Variants in NEB observed in about 807,000 individuals in gnomAD.
NEB encodes the protein nemaline myopathy type 2.
A neutral mutation model predicts 952.2 loss-of-function variants in NEB; 512 were observed. The ratio of observed to expected loss-of-function variants is 0.54; its 90% CI spans 0.50 to 0.58. The LOEUF (loss-of-function observed/expected upper bound fraction) is 0.58, where lower values mean the gene tolerates loss of function less well. Ranked by LOEUF, NEB falls within the 20% of genes least tolerant of loss-of-function variation. The probability of loss-of-function intolerance (pLI) is 0.00; values close to 1 mark genes in which losing one functional copy is unlikely to be tolerated. For synonymous variants in NEB, 2,900 were observed against 3,149.8 expected (o/e 0.92, Z 2.66); for missense variants, 8,428 against 9,231.1 (o/e 0.91, Z 3.56).
At chr2:151,663,969 A>C in intron 44 of NEB, 110 bp from the exon 45 acceptor site, 1 of 1,138,504 alleles carries the variant, frequency 8.8e-7, no homozygotes. Flanking sequence ...AGCTACTCTA[A>C]AATTGGAAGG....
At chr2:151,531,242 TAAGACTTC>T (rs2090560218) in intron 144 of NEB, 141 bp from the exon 145 acceptor site, 7 of 584,978 alleles carry the variant, frequency 1.2e-5, no homozygotes, top group Non-Finnish European at 2.1e-5. Flanking sequence ...TGCTCTCTGC[TAAGACTTC>T]AGTGTTTCCA....
At chr2:151,725,956 CA>C (rs1430947500) in intron 5 of NEB, among the ~76,000 whole-genome samples, 1 of 152,124 alleles carries the variant, frequency 6.6e-6, no homozygotes, top group Non-Finnish European at 1.5e-5. Context: ...TCAGAAGTTG[CA>C]GCTAAACTTC....
Position 151,527,499 on chromosome 2 carries a change from T to C in NEB, c.21822A>G (p.Ser7274=). Residue 7274 remains serine (S), a synonymous_variant, in exon 147 of 182, where the codon TCA becomes TCG. Transcript: ENST00000397345. ...GTCTTACATCGCTTTGCTGCAGGGA[T>C]GACTTGGCAGCCTGGAGGAAGTCCG... ...DRPDFLQAAK[S]SLQQSDFEYK... is the part of the protein sequence containing the mutation. The C allele has an allele frequency of 6.2e-7, 1 of 1,613,202 alleles. No homozygotes were observed. The highest frequency in any genetic ancestry group is 1.3e-5 in the African/African-American group (1 of 75,048).
rs1402813701 is a variant in NEB, at chr2:151,710,499, T to C, written c.862A>G (p.Lys288Glu). 2.5e-6 allele frequency: 4 copies of C among 1,610,476 alleles called. No homozygotes were observed. The African/African-American group carries it at 5.3e-5, about 21-fold the overall frequency. The change falls in exon 11 of 182, where the codon AAA becomes GAA. Residue 288 changes from lysine to glutamate, a missense_variant. Physicochemically the swap from Lys to Glu is moderately conservative, Grantham distance 56. Around this residue, in one of 11 missense-constraint regions of NEB, gnomAD observed 2,851 missense variants for 2,791.5 expected, o/e 1.02. Transcript: ENST00000397345. ...KEDYENKIKG[K>E]WSETPCFEVA... ...TCAAAGCAAGGTGTCTCACTCCATTTGCCTTTGATTTTATTTTCATAGTCT... is the reference window on the plus strand; with the variant it reads ...TCAAAGCAAGGTGTCTCACTCCATTCGCCTTTGATTTTATTTTCATAGTCT...
chr2:151,697,454 T>G lies in NEB; in HGVS notation c.1261A>C (p.Lys421Gln). ...TVLQNFSSDK[K>Q]YKDSYLKDIL... Reference sequence around the variant, plus strand: ...TCTTTTAAGTAGGAATCTTTATATTTTTTCTGCAAGACAAAACATACTTCA... The same window carrying G: ...TCTTTTAAGTAGGAATCTTTATATTGTTTCTGCAAGACAAAACATACTTCA... The change falls in exon 15 of 182, where the codon AAA becomes CAA. Residue 421 changes from lysine to glutamine, a missense_variant. Lys to Gln is a moderately conservative substitution (Grantham distance 53, BLOSUM62 1). Around this residue, in one of 11 missense-constraint regions of NEB, gnomAD observed 2,851 missense variants for 2,791.5 expected, o/e 1.02. Transcript: ENST00000397345. The G allele has an allele frequency of 6.2e-7, 1 of 1,612,818 alleles. No individual in the cohort carries two copies. The highest frequency in any genetic ancestry group is 8.5e-7 in the Non-Finnish European group (1 of 1,179,182).
chr2:151,539,936 C>T (rs1472691701), intron 138 of NEB, among the ~76,000 whole-genome samples: 1 of 152,126 alleles, frequency 6.6e-6, no homozygotes, highest in Non-Finnish European at 1.5e-5. Flanking sequence ...TATCATTCCA[C>T]ATATATGAAA....
rs572716576 is a variant in NEB, at chr2:151,709,812, C to G, written c.928-49G>C. ...AGAACTGCTGTGGAAATGAACTATGCAAGAATTTCCATGAGAAGACACAGG... is the reference window on the plus strand; with the variant it reads ...AGAACTGCTGTGGAAATGAACTATGGAAGAATTTCCATGAGAAGACACAGG... On this transcript the variant is annotated intron_variant, in intron 11 of 181. Transcript: ENST00000397345. The G allele has an allele frequency of 2.0e-5, 27 of 1,358,028 alleles. No individual in the cohort carries two copies. The African/African-American group carries it at 3.9e-4, about 20-fold the overall frequency. The allele number at this position is 1,358,028 out of a possible 1,614,324, so 84.1% of individuals were successfully genotyped here.
Position 151,546,001 on chromosome 2 carries a change from T to TAAAAAA in NEB, c.20467-9_20467-4dup. 38 of 948,318 alleles carry TAAAAAA rather than the reference T, an allele frequency of 4.0e-5. No homozygotes were observed. Among genetic ancestry groups the TAAAAAA allele is most frequent in the Middle Eastern group, 2.2e-4 (1 of 4,572 alleles). The allele number at this position is 948,318 out of a possible 1,614,324, so 58.7% of individuals were successfully genotyped here. A position where few individuals can be genotyped will look rare whatever the true frequency, so the allele number is the denominator to read the frequency against. On this transcript the variant is annotated splice_polypyrimidine_tract_variant and splice_region_variant and intron_variant, in intron 134 of 181. Transcript: ENST00000397345. ...TTATCAGTGTATAGGTAATTAGACT[T>TAAAAAA]AAAAAAAAAAAAAAAAACAGAAATA...
intron 173 of NEB, among the ~76,000 whole-genome samples, chr2:151,495,778 A>G (rs1335945376): frequency 6.6e-6 from 1 of 152,230 alleles, no homozygotes; most frequent in Non-Finnish European, 1.5e-5. Flanking sequence ...CAAAACTACT[A>G]TTGGATCATA....
In NEB at chr2:151,663,543, C is replaced by T. The variant is rs776167256; in HGVS notation, c.5763+5G>A. The T allele has an allele frequency of 4.4e-6, 7 of 1,600,646 alleles. No homozygotes were observed. The highest frequency in any genetic ancestry group is 1.1e-5 in the South Asian group (1 of 89,874). The stretch of plus-strand genomic sequence containing the variant: ...AAACGCTCTGCAAATGTGGTTTTCA[C>T]GTACATCACTTTGAATCTGCATCAT... On this transcript the variant is annotated splice_donor_5th_base_variant and intron_variant, in intron 45 of 181. Transcript: ENST00000397345.
At chr2:151,545,738 ATAG>A (rs1174968790) in intron 135 of NEB, 147 bp downstream of exon 135, 1 of 585,472 alleles carries the variant, frequency 1.7e-6, no homozygotes, top group Non-Finnish European at 3.0e-6. Context: ...TTGCTTAGAC[ATAG>A]TAGCCATTCC....
chr2:151,627,923 C>T, intron 68 of NEB, 89 bp from the exon 69 acceptor site: 1 of 1,456,742 alleles, frequency 6.9e-7, no homozygotes, highest in Non-Finnish European at 9.2e-7. Flanking sequence ...TTTAAAATTG[C>T]TAATTCTTGC....
At position 151,675,205 on chromosome 2, in the gene NEB, T is replaced by C. The variant is rs191066110; in HGVS notation, c.3879+82A>G. 683 of 979,954 alleles carry C rather than the reference T, an allele frequency of 7.0e-4. 5 individuals are homozygous for C. The African/African-American group carries it at 9.9e-3, about 14-fold the overall frequency. 60.7% of individuals were successfully genotyped at this position (979,954 alleles called of 1,614,324 possible). ...TTGTGAGAAATGGGCCTAAATAAAT[T>C]GTCAAGGCACCATCCTACTCTTAAA... On this transcript the variant is annotated intron_variant, in intron 35 of 181. Coordinates refer to ENST00000397345, the MANE Select transcript of NEB (RefSeq NM_001164508.2).
chr2:151,691,812 A>G, intron 23 of NEB, 52 bp downstream of exon 23: 1 of 1,233,572 alleles, frequency 8.1e-7, no homozygotes, highest in South Asian at 1.3e-5. Context: ...TTACCACTAG[A>G]TGTCACAGGA....
At chr2:151,639,691 CATGATAT>C in intron 62 of NEB, among the ~76,000 whole-genome samples, 159 bp downstream of exon 62, 1 of 152,098 alleles carries the variant, frequency 6.6e-6, no homozygotes, top group East Asian at 1.9e-4. Context: ...TCAAAATATA[CATGATAT>C]ATATCAGTTA....
intron 155 of NEB, 94 bp downstream of exon 155, chr2:151,518,871 T>C (rs2079944444): frequency 1.3e-6 from 1 of 758,746 alleles, no homozygotes; most frequent in Non-Finnish European, 2.3e-6. Context: ...ATCTAGGGTA[T>C]CAGTAGCAGA....
In NEB at chr2:151,519,786, C is replaced by G; in HGVS notation, c.22480-18G>C. On this transcript the variant is annotated intron_variant, in intron 153 of 181. Transcript: ENST00000397345. ...TATTTAACCTAACAGCAAATGCAAA[C>G]ATCCAAATTATTCCTGGACATCAAT... 1 of 1,496,598 alleles carries G rather than the reference C, an allele frequency of 6.7e-7. No homozygotes were observed. Among genetic ancestry groups the G allele is most frequent in the Non-Finnish European group, 9.3e-7 (1 of 1,073,992 alleles). The allele number at this position is 1,496,598 out of a possible 1,614,324, so 92.7% of individuals were successfully genotyped here.
At position 151,627,605 on chromosome 2, in the gene NEB, T is replaced by C; in HGVS notation, c.10061A>G (p.Lys3354Arg). ...CQTLVSDVDYKNYLHEWTCLP... is the reference protein window; with the variant it reads ...CQTLVSDVDYRNYLHEWTCLP... ...GCACGTCCACTCGTGCAGGTAGTTC[T>C]TGTAGTCCACATCGCTGACTAAGGT... Residue 3354 changes from lysine to arginine, a missense_variant, in exon 69 of 182, where the codon AAG becomes AGG. This residue lies in a region of NEB where 1,772 missense variants were observed against 1,960.3 expected (regional missense o/e 0.90). Transcript: ENST00000397345. The C allele has an allele frequency of 1.2e-6, 2 of 1,614,036 alleles. No homozygotes were observed. Among genetic ancestry groups the C allele is most frequent in the Non-Finnish European group, 1.7e-6 (2 of 1,179,892 alleles).
At chr2:151,513,746 A>G (rs2076070171) in intron 159 of NEB, 53 bp from the exon 160 acceptor site, 2 of 1,213,160 alleles carry the variant, frequency 1.6e-6, no homozygotes, top group East Asian at 2.5e-5. Context: ...ACTACTAGGT[A>G]ATAAACATAC....
Sources: allele counts gnomAD v4.1 joint callset (sites outside exome capture counted in the v4.1 genomes callset), GRCh38; gene constraint gnomAD v4.1.1; regional missense constraint gnomAD v4.1.1; transcripts MANE v1.5; gene names NCBI Gene and HGNC (gene_info 2026-07-23, HGNC 2026-07-21).